Variants in CHRM3 observed in about 807,000 individuals in gnomAD.
CHRM3 encodes the protein muscarinic acetylcholine receptor M3.
CHRM3 carries 11 observed loss-of-function variants against 41.8 expected under a neutral mutation model. The ratio of observed to expected loss-of-function variants is 0.26; its 90% CI spans 0.17 to 0.44. The LOEUF is 0.44. Among genes scored for constraint, CHRM3 ranks in the 20% least tolerant of loss-of-function variants. The probability of loss-of-function intolerance (pLI) is 1.00; values close to 1 mark genes in which losing one functional copy is unlikely to be tolerated. For synonymous variants in CHRM3, 297 were observed against 301.4 expected, an observed-to-expected ratio of 0.99 and a Z score of 0.15; for missense variants, 571 against 745.4, an observed-to-expected ratio of 0.77 and a Z score of 2.72.
intron 6 of CHRM3, among the ~76,000 whole-genome samples, chr1:239,904,806 C>T (rs1382376436): frequency 6.6e-6 from 1 of 152,136 alleles, no homozygotes; most frequent in Admixed American, 6.5e-5. Context: ...TGTTATTCCT[C>T]TCTGTAATTG....
chr1:239,501,392 A>G (rs1479087466), intron 2 of CHRM3, among the ~76,000 whole-genome samples: 1 of 152,242 alleles, frequency 6.6e-6, no homozygotes, highest in African/African-American at 2.4e-5. Flanking sequence ...AACTAGCCTC[A>G]ATAAATCTAA....
At chr1:239,900,531 A>ATG (rs953765429) in intron 6 of CHRM3, among the ~76,000 whole-genome samples, 6 of 152,064 alleles carry the variant, frequency 3.9e-5, no homozygotes, top group African/African-American at 1.4e-4. Context: ...TTCATAGAAA[A>ATG]TGTCTGAAAG....
At chr1:239,668,089 CTTTTTTTTTTTTTTT>C in intron 4 of CHRM3, among the ~76,000 whole-genome samples, 1 of 75,592 alleles carries the variant, frequency 1.3e-5, no homozygotes, top group East Asian at 3.6e-4. Context: ...TTTCCCCTTT[CTTTTTTTTTTTTTTT>C]TTTTTTTTTT....
At chr1:239,727,973 T>C (rs536343397) in intron 5 of CHRM3, among the ~76,000 whole-genome samples, 19 of 151,998 alleles carry the variant, frequency 1.3e-4, no homozygotes, top group Non-Finnish European at 2.8e-4. Flanking sequence ...AAATAAATAC[T>C]TTTCTTAAAG....
intron 5 of CHRM3, among the ~76,000 whole-genome samples, chr1:239,712,188 ATT>A (rs112499268): frequency 7.0e-4 from 107 of 152,304 alleles, no homozygotes; most frequent in African/African-American, 2.4e-3. Flanking sequence ...TTAAAAAATA[ATT>A]TTATTCACTA....
chr1:239,615,750 G>A (rs893034154), intron 3 of CHRM3, among the ~76,000 whole-genome samples: 1 of 152,146 alleles, frequency 6.6e-6, no homozygotes, highest in African/African-American at 2.4e-5. Context: ...CATCCTGGAT[G>A]TAATTGATGT....
At chr1:239,648,188 A>G (rs1214070417) in intron 4 of CHRM3, among the ~76,000 whole-genome samples, 2 of 152,126 alleles carry the variant, frequency 1.3e-5, no homozygotes, top group African/African-American at 2.4e-5. Context: ...CCCCAAGCTC[A>G]TGAGTGTCTC....
At chr1:239,427,419 G>C (rs1020937466) in intron 1 of CHRM3, among the ~76,000 whole-genome samples, 1 of 152,142 alleles carries the variant, frequency 6.6e-6, no homozygotes, top group Non-Finnish European at 1.5e-5. Context: ...GTGGTGGTAG[G>C]AGAGGGTTGG....
intron 6 of CHRM3, among the ~76,000 whole-genome samples, chr1:239,881,366 G>C (rs1449245120): frequency 4.0e-5 from 6 of 151,122 alleles, no homozygotes; most frequent in Non-Finnish European, 8.8e-5. Context: ...CCACCAGCTG[G>C]CCTCACAAGA....
intron 4 of CHRM3, among the ~76,000 whole-genome samples, chr1:239,662,549 C>A (rs754701612): frequency 5.3e-5 from 8 of 152,050 alleles, no homozygotes; most frequent in Non-Finnish European, 1.0e-4. Flanking sequence ...TGAATTATAG[C>A]CGCAAAGCAA....
intron 1 of CHRM3, among the ~76,000 whole-genome samples, chr1:239,450,391 C>A (rs973253511): frequency 6.6e-6 from 1 of 152,042 alleles, no homozygotes; most frequent in African/African-American, 2.4e-5. Flanking sequence ...ACAAAAAAAC[C>A]AACTTAGGAA....
intron 3 of CHRM3, among the ~76,000 whole-genome samples, chr1:239,618,667 AC>A (rs1235924913): frequency 1.3e-5 from 2 of 150,628 alleles, no homozygotes; most frequent in Non-Finnish European, 3.0e-5. Flanking sequence ...ACACGGTGAA[AC>A]CCCGTCTCTA....
chr1:239,419,077 A>G (rs563651367), intron 1 of CHRM3, among the ~76,000 whole-genome samples: 3 of 152,324 alleles, frequency 2.0e-5, no homozygotes, highest in African/African-American at 4.8e-5. Context: ...AAAGGGACAG[A>G]TCCCAGTTCG....
chr1:239,530,577 A>G (rs1356976902), intron 2 of CHRM3, among the ~76,000 whole-genome samples: 1 of 152,206 alleles, frequency 6.6e-6, no homozygotes, highest in Non-Finnish European at 1.5e-5. Flanking sequence ...ATTTCAGTGG[A>G]GCTATAGTAA....
chr1:239,767,583 A>G (rs1347582789), intron 5 of CHRM3, among the ~76,000 whole-genome samples: 1 of 152,226 alleles, frequency 6.6e-6, no homozygotes, highest in Non-Finnish European at 1.5e-5. Flanking sequence ...CTGCTGGTCA[A>G]TTAAAATCAA....
chr1:239,735,362 ACTGT>A (rs1357653045), intron 5 of CHRM3, among the ~76,000 whole-genome samples: 1 of 152,154 alleles, frequency 6.6e-6, no homozygotes, highest in Non-Finnish European at 1.5e-5. Context: ...TGCCTCTGCT[ACTGT>A]CTATCTGCTG....
At chr1:239,710,346 G>T (rs1661646228) in intron 5 of CHRM3, among the ~76,000 whole-genome samples, 1 of 152,050 alleles carries the variant, frequency 6.6e-6, no homozygotes. Flanking sequence ...TCAGGAAATT[G>T]CAAAATTCTC....
At chr1:239,497,999 C>T (rs1667993007) in intron 2 of CHRM3, among the ~76,000 whole-genome samples, 1 of 152,144 alleles carries the variant, frequency 6.6e-6, no homozygotes, top group Non-Finnish European at 1.5e-5. Flanking sequence ...ATAATAATAA[C>T]AGTAACTTAC....
intron 3 of CHRM3, among the ~76,000 whole-genome samples, chr1:239,572,944 A>T (rs1661967452): frequency 6.6e-6 from 1 of 151,962 alleles, no homozygotes; most frequent in African/African-American, 2.4e-5. Flanking sequence ...TTTCTTTCCA[A>T]TATTCTGTTT....
Sources: allele counts gnomAD v4.1 joint callset (sites outside exome capture counted in the v4.1 genomes callset), GRCh38; gene constraint gnomAD v4.1.1; transcripts MANE v1.5; gene names NCBI Gene and HGNC (gene_info 2026-07-23, HGNC 2026-07-21).